Variants in GPAT4 observed in about 807,000 individuals in gnomAD.
GPAT4 encodes 1-AGP acyltransferase 6.
A neutral mutation model predicts 58.0 loss-of-function variants in GPAT4; 17 were observed. The ratio of observed to expected loss-of-function variants is 0.29; its 90% CI spans 0.20 to 0.44. The LOEUF (loss-of-function observed/expected upper bound fraction) is 0.44, where lower values mean the gene tolerates loss of function less well. GPAT4 is among the 20% of genes least tolerant of loss of function. GPAT4 has a pLI of 1.00. For missense variants in GPAT4, 377 were observed against 574.5 expected (o/e 0.66, Z 3.51); for synonymous variants, 204 against 210.1 (o/e 0.97, Z 0.25).
At chr8:41,596,318 A>G (rs1325869451) in intron 1 of GPAT4, among the ~76,000 whole-genome samples, 1 of 152,202 alleles carries the variant, frequency 6.6e-6, no homozygotes, top group Non-Finnish European at 1.5e-5. Flanking sequence ...TACAGTTTAC[A>G]CCAAACCAGA....
intron 8 of GPAT4, among the ~76,000 whole-genome samples, chr8:41,613,215 G>T (rs960587346): frequency 6.6e-6 from 1 of 152,006 alleles, no homozygotes; most frequent in East Asian, 1.9e-4. Flanking sequence ...TGACCAACAT[G>T]GTGAAAATAC....
chr8:41,616,563 G>A (rs1267568200), intron 10 of GPAT4, among the ~76,000 whole-genome samples: 1 of 152,108 alleles, frequency 6.6e-6, no homozygotes, highest in Non-Finnish European at 1.5e-5. Context: ...TCAAAGTGCT[G>A]GGATTATAGG....
intron 1 of GPAT4, among the ~76,000 whole-genome samples, chr8:41,592,567 G>A (rs1200646539): frequency 1.3e-5 from 2 of 152,098 alleles, no homozygotes; most frequent in African/African-American, 4.8e-5. Flanking sequence ...GGGTCTGTAG[G>A]TACTAATTCT....
chr8:41,593,810 T>G (rs1023290014), intron 1 of GPAT4, among the ~76,000 whole-genome samples: 2 of 152,344 alleles, frequency 1.3e-5, no homozygotes, highest in East Asian at 1.9e-4. Flanking sequence ...AAGTATATGA[T>G]TTTTGAGAAA....
rs9774541 is a variant in GPAT4, at chr8:41,622,289, G to A, written c.*1288G>A. On this transcript the variant is annotated 3_prime_UTR_variant, in exon 13 of 13. Transcript: ENST00000396987. ...TGCATGGTGGCTTCTGCAGGGGAGGGACAGGGGAGGGCTGCAGAGGGGCAG... is the reference window on the plus strand; with the variant it reads ...TGCATGGTGGCTTCTGCAGGGGAGGAACAGGGGAGGGCTGCAGAGGGGCAG... The A allele has an allele frequency of 3.2e-4, 24 of 74,874 alleles. No individual in the cohort carries two copies. The highest frequency in any genetic ancestry group is 4.2e-4 in the African/African-American group (7 of 16,788). 4.6% of individuals were successfully genotyped at this position (74,874 alleles called of 1,614,324 possible).
intron 7 of GPAT4, 151 bp downstream of exon 7, chr8:41,612,424 A>G (rs1041896799): frequency 2.5e-5 from 19 of 772,548 alleles, no homozygotes; most frequent in Admixed American, 1.1e-4. Flanking sequence ...TGGGACTGTG[A>G]TAGGAGATAC....
At chr8:41,584,293 A>G (rs1311840380) in intron 1 of GPAT4, among the ~76,000 whole-genome samples, 1 of 152,232 alleles carries the variant, frequency 6.6e-6, no homozygotes, top group Non-Finnish European at 1.5e-5. Flanking sequence ...GGTACAACCC[A>G]TTTTGGAATT....
intron 2 of GPAT4, among the ~76,000 whole-genome samples, chr8:41,607,730 T>C (rs990615959): frequency 1.3e-5 from 2 of 152,026 alleles, no homozygotes; most frequent in East Asian, 3.9e-4. Context: ...GATTTTGCCA[T>C]GTTGCCCAGG....
In GPAT4 at chr8:41,609,953, C is replaced by G. The variant is rs1360575532; in HGVS notation, c.534C>G (p.Leu178=). 1 of 1,597,696 alleles carries G rather than the reference C, an allele frequency of 6.3e-7. No homozygotes were observed. Among genetic ancestry groups the G allele is most frequent in the Non-Finnish European group, 8.5e-7 (1 of 1,170,280 alleles). The change falls in exon 4 of 13, where the codon CTC becomes CTG. Residue 178 remains leucine (L), a splice_region_variant and synonymous_variant. Coordinates refer to ENST00000396987, the MANE Select transcript of GPAT4 (RefSeq NM_178819.4). ...VLIRYCFLLP[L]RIALAFTGIS... The stretch of plus-strand genomic sequence containing the variant: ...TTCGGTACTGCTTTCTGCTGCCGCT[C>G]AGGTGAGGCAGGGCCTGCGGGAGTG...
intron 2 of GPAT4, among the ~76,000 whole-genome samples, chr8:41,608,577 C>A (rs1409043035): frequency 6.6e-6 from 1 of 152,212 alleles, no homozygotes; most frequent in Non-Finnish European, 1.5e-5. Flanking sequence ...CTAGGAAAAG[C>A]GTCTTTTTCC....
chr8:41,620,521 A>T (rs1204702542), intron 12 of GPAT4, among the ~76,000 whole-genome samples: 1 of 152,230 alleles, frequency 6.6e-6, no homozygotes, highest in Admixed American at 6.5e-5. Context: ...ATACGTTATG[A>T]GTCGATATTT....
chr8:41,587,639 C>T (rs942654345), intron 1 of GPAT4, among the ~76,000 whole-genome samples: 1 of 152,126 alleles, frequency 6.6e-6, no homozygotes, highest in African/African-American at 2.4e-5. Flanking sequence ...CTGCGCACTG[C>T]ACTAGATGCC....
chr8:41,603,525 CAAAAAAA>C (rs35302781), intron 2 of GPAT4, among the ~76,000 whole-genome samples: 2,556 of 85,334 alleles, frequency 0.03, 65 homozygotes, highest in African/African-American at 0.097. Flanking sequence ...GACTCCGTCT[CAAAAAAA>C]AAAAAAAAAA....
At chr8:41,588,451 C>G (rs1802709277) in intron 1 of GPAT4, among the ~76,000 whole-genome samples, 1 of 151,960 alleles carries the variant, frequency 6.6e-6, no homozygotes, top group South Asian at 2.1e-4. Context: ...AAGTTCTGTT[C>G]TGTTCTGTTC....
At chr8:41,590,158 T>C (rs12682464) in intron 1 of GPAT4, among the ~76,000 whole-genome samples, 35,429 of 151,750 alleles carry the variant, frequency 0.23, 4,190 homozygotes, top group East Asian at 0.29. Flanking sequence ...TCCCATTCTG[T>C]CACCCATGCT....
In GPAT4 at chr8:41,578,230, G is replaced by A. The variant is rs1379676816; in HGVS notation, c.-897G>A. 6.6e-6 allele frequency: 1 copy of A among 151,700 alleles called. No individual in the cohort carries two copies. Among genetic ancestry groups the A allele is most frequent in the African/African-American group, 2.4e-5 (1 of 41,350 alleles). The allele number at this position is 151,700 out of a possible 1,614,324, so 9.4% of individuals were successfully genotyped here. ...TTGGGCCCGCGGCGGCGGCAAGGGC[G>A]GGAGGGAGCGGTCGCCGCGGGATTT... On this transcript the variant is annotated 5_prime_UTR_variant, in exon 1 of 13. Coordinates refer to ENST00000396987, the MANE Select transcript of GPAT4 (RefSeq NM_178819.4).
At position 41,621,598 on chromosome 8, in the gene GPAT4, G is replaced by A. The variant is rs1803752842; in HGVS notation, c.*597G>A. The A allele has an allele frequency of 2.0e-5, 3 of 153,084 alleles. No individual in the cohort carries two copies. The South Asian group carries it at 6.2e-4, about 31-fold the overall frequency. The allele number at this position is 153,084 out of a possible 1,614,324, so 9.5% of individuals were successfully genotyped here. On this transcript the variant is annotated 3_prime_UTR_variant, in exon 13 of 13. Transcript: ENST00000396987. ...TACTAAAGGGAGGGGAAGAGGCCAG[G>A]TGGGCCGCTGACTGGGCCATGGGGA...
At position 41,621,357 on chromosome 8, in the gene GPAT4, G is replaced by A. The variant is rs1234792370; in HGVS notation, c.*356G>A. The A allele has an allele frequency of 8.4e-6, 2 of 236,762 alleles. No homozygotes were observed. The highest frequency in any genetic ancestry group is 2.2e-5 in the African/African-American group (1 of 44,638). 14.7% of individuals were successfully genotyped at this position (236,762 alleles called of 1,614,324 possible). A position where few individuals can be genotyped will look rare whatever the true frequency, so the allele number is the denominator to read the frequency against. On this transcript the variant is annotated 3_prime_UTR_variant, in exon 13 of 13. Coordinates refer to ENST00000396987, the MANE Select transcript of GPAT4 (RefSeq NM_178819.4). ...CCATGGTCTTGTGCTAGAGATGGCG[G>A]TACAAGAGTCTGTTATGCAAGCCCG...
intron 1 of GPAT4, among the ~76,000 whole-genome samples, chr8:41,581,992 G>GTT (rs1802524955): frequency 1.3e-5 from 1 of 78,750 alleles, no homozygotes; most frequent in Non-Finnish European, 2.4e-5. Flanking sequence ...GAAGTTCAAT[G>GTT]ATTTTTTTTT....
Sources: gnomAD v4.1 joint callset for allele counts (sites outside exome capture counted in the v4.1 genomes callset) on GRCh38, gnomAD v4.1.1 for gene constraint, MANE v1.5 for transcripts, NCBI Gene and HGNC (gene_info 2026-07-23, HGNC 2026-07-21) for gene names.